The following MYO3B variants were observed in gnomAD, a reference collection of about 807,000 sequenced individuals.
MYO3B encodes the protein myosin-IIIb.
In MYO3B, 156 loss-of-function variants were observed where a neutral mutation model predicts 174.6. That is an observed-to-expected ratio of 0.89 (90% CI 0.78 to 1.02). The LOEUF is 1.02. Among genes scored for constraint, MYO3B ranks in the 50% least tolerant of loss-of-function variants. The probability of loss-of-function intolerance (pLI) is 0.00; values close to 1 mark genes in which losing one functional copy is unlikely to be tolerated. For missense variants in MYO3B, 1,632 were observed against 1,639.4 expected, an observed-to-expected ratio of 1.00 and a Z score of 0.08; for synonymous variants, 563 against 569.1, an observed-to-expected ratio of 0.99 and a Z score of 0.15.
chr2:170,369,835 G>A (rs1052289379), intron 9 of MYO3B, among the ~76,000 whole-genome samples: 6 of 152,162 alleles, frequency 3.9e-5, no homozygotes, highest in Admixed American at 1.3e-4. Context: ...GCTAAACACC[G>A]AAGGCTGTTT....
At chr2:170,517,791 C>G (rs770026932) in intron 29 of MYO3B, among the ~76,000 whole-genome samples, 2 of 151,616 alleles carry the variant, frequency 1.3e-5, no homozygotes, top group Non-Finnish European at 2.9e-5. Flanking sequence ...TGAGTGTGGG[C>G]CAAACAGTGA....
chr2:170,230,643 T>C (rs545899831), intron 6 of MYO3B, among the ~76,000 whole-genome samples: 26 of 152,124 alleles, frequency 1.7e-4, no homozygotes, highest in Non-Finnish European at 3.5e-4. Context: ...AAACATAAAA[T>C]TCGCTTCTTT....
intron 6 of MYO3B, among the ~76,000 whole-genome samples, chr2:170,220,735 A>G (rs1464367026): frequency 6.6e-6 from 1 of 152,114 alleles, no homozygotes; most frequent in Non-Finnish European, 1.5e-5. Context: ...TAGCTGGGAA[A>G]AGCCAGCACT....
At chr2:170,590,281 GA>G (rs1693741906) in intron 32 of MYO3B, among the ~76,000 whole-genome samples, 1 of 152,110 alleles carries the variant, frequency 6.6e-6, no homozygotes, top group Admixed American at 6.6e-5. Flanking sequence ...AAAGGACAAA[GA>G]TTTTTTTAAA....
At chr2:170,449,315 G>A (rs928718274) in intron 23 of MYO3B, among the ~76,000 whole-genome samples, 8 of 152,192 alleles carry the variant, frequency 5.3e-5, no homozygotes, top group Non-Finnish European at 1.5e-5. Flanking sequence ...CAAAAGAAAT[G>A]AGATTTTTAT....
chr2:170,406,142 C>A (rs921191088), intron 21 of MYO3B, among the ~76,000 whole-genome samples: 5 of 152,070 alleles, frequency 3.3e-5, no homozygotes, highest in African/African-American at 7.2e-5. Context: ...ATACATTATG[C>A]CTCAGTCTCA....
intron 22 of MYO3B, among the ~76,000 whole-genome samples, chr2:170,430,220 C>T (rs891424183): frequency 5.3e-5 from 8 of 151,948 alleles, no homozygotes; most frequent in Non-Finnish European, 1.0e-4. Flanking sequence ...AAGGCCTTTA[C>T]TGTATTATTT....
chr2:170,635,699 G>C (rs148834031), intron 32 of MYO3B, among the ~76,000 whole-genome samples: 14 of 152,186 alleles, frequency 9.2e-5, no homozygotes, highest in Admixed American at 9.2e-4. Context: ...GGGCATCTCT[G>C]TTCTTTAAGT....
chr2:170,576,440 A>G (rs1655085275), intron 32 of MYO3B, among the ~76,000 whole-genome samples: 1 of 152,204 alleles, frequency 6.6e-6, no homozygotes, highest in Non-Finnish European at 1.5e-5. Flanking sequence ...TGGTAGGAAC[A>G]AGAAGCAAAC....
At chr2:170,271,083 A>T (rs1457562170) in intron 7 of MYO3B, among the ~76,000 whole-genome samples, 1 of 152,124 alleles carries the variant, frequency 6.6e-6, no homozygotes, top group African/African-American at 2.4e-5. Context: ...ATTGCTACTA[A>T]GTAGCAACTT....
At chr2:170,646,643 G>A (rs899475976) in intron 32 of MYO3B, among the ~76,000 whole-genome samples, 3 of 152,138 alleles carry the variant, frequency 2.0e-5, no homozygotes, top group East Asian at 1.9e-4. Flanking sequence ...CAATCTGCCC[G>A]CCTAGGCCTC....
intron 32 of MYO3B, among the ~76,000 whole-genome samples, chr2:170,575,474 GT>G (rs553139032): frequency 1.3e-5 from 2 of 152,234 alleles, no homozygotes; most frequent in East Asian, 3.9e-4. Context: ...AAACATGAAT[GT>G]GGTTCCAGTA....
chr2:170,400,884 G>T (rs938510919), intron 17 of MYO3B, among the ~76,000 whole-genome samples: 1 of 151,754 alleles, frequency 6.6e-6, no homozygotes, highest in Non-Finnish European at 1.5e-5. Context: ...AGACTGGAGT[G>T]CAGTGGCGCT....
chr2:170,628,706 G>C (rs942963756), intron 32 of MYO3B, among the ~76,000 whole-genome samples: 1 of 151,854 alleles, frequency 6.6e-6, no homozygotes, highest in African/African-American at 2.4e-5. Flanking sequence ...ATCAAACTCT[G>C]ATATTACAAA....
intron 32 of MYO3B, among the ~76,000 whole-genome samples, chr2:170,578,230 C>A (rs775086986): frequency 1.2e-4 from 19 of 152,344 alleles, no homozygotes; most frequent in Non-Finnish European, 2.4e-4. Flanking sequence ...AAGGTCGCAG[C>A]CTGCGGCTCT....
intron 7 of MYO3B, among the ~76,000 whole-genome samples, chr2:170,326,094 C>A (rs1233204997): frequency 6.6e-6 from 1 of 151,520 alleles, no homozygotes; most frequent in African/African-American, 2.4e-5. Flanking sequence ...GGCCCTCCCC[C>A]ATACCACTGT....
chr2:170,420,009 C>A (rs1352273355), intron 22 of MYO3B, among the ~76,000 whole-genome samples: 1 of 151,988 alleles, frequency 6.6e-6, no homozygotes, highest in Non-Finnish European at 1.5e-5. Context: ...ATGGTGAAAC[C>A]CCATCTCTAC....
chr2:170,237,423 G>T (rs1367434789), intron 7 of MYO3B, among the ~76,000 whole-genome samples: 1 of 151,702 alleles, frequency 6.6e-6, no homozygotes, highest in African/African-American at 2.4e-5. Context: ...CTTTTGATAA[G>T]AGATCATCTA....
chr2:170,481,950 C>T (rs1575051105), intron 25 of MYO3B, among the ~76,000 whole-genome samples: 2 of 152,248 alleles, frequency 1.3e-5, no homozygotes, highest in East Asian at 1.9e-4. Context: ...TTAATCCTTA[C>T]ATTACGAATG....
Sources: allele counts gnomAD v4.1 joint callset (sites outside exome capture counted in the v4.1 genomes callset), GRCh38; gene constraint gnomAD v4.1.1; transcripts MANE v1.5; gene names NCBI Gene and HGNC (gene_info 2026-07-23, HGNC 2026-07-21).